The following NFE2L3 variants were observed in gnomAD, a reference collection of about 807,000 sequenced individuals.
The protein encoded by NFE2L3 is nuclear factor erythroid 2-related factor 3.
A neutral mutation model predicts 23.5 loss-of-function variants in NFE2L3; 18 were observed. That is an observed-to-expected ratio of 0.77 (90% confidence interval 0.53 to 1.13). The LOEUF (loss-of-function observed/expected upper bound fraction) is 1.13, where lower values mean the gene tolerates loss of function less well. NFE2L3 is among the 50% of genes most tolerant of loss of function. The pLI, the probability that NFE2L3 is intolerant of heterozygous loss-of-function variation, is 0.00. For missense variants in NFE2L3, 1,152 were observed against 877.2 expected, an observed-to-expected ratio of 1.31 and a Z score of -3.96; for synonymous variants, 424 against 354.5, an observed-to-expected ratio of 1.20 and a Z score of -2.20.
At chr7:26,165,322 C>A (rs1384544840) in intron 1 of NFE2L3, among the ~76,000 whole-genome samples, 1 of 152,124 alleles carries the variant, frequency 6.6e-6, no homozygotes. Flanking sequence ...TCTTTTATTT[C>A]GTTGAGCAGT....
intron 1 of NFE2L3, among the ~76,000 whole-genome samples, chr7:26,153,739 T>G (rs1196642105): frequency 6.6e-6 from 1 of 152,166 alleles, no homozygotes; most frequent in African/African-American, 2.4e-5. Context: ...TTCCCTTTGG[T>G]TTATGGGTCC....
Position 26,185,409 on chromosome 7 carries a change from C to G in NFE2L3, c.1711C>G (p.Leu571Val). 2 of 1,614,112 alleles carry G rather than the reference C, an allele frequency of 1.2e-6. No homozygotes were observed. The highest frequency in any genetic ancestry group is 1.1e-5 in the South Asian group (1 of 91,078). ...SFNSMLSRYY[L>V]TDLQVSLIRD... ...CAATAGCATGTTAAGTAGATATTAT[C>G]TGACAGACCTACAAGTCTCACTTAT... The change falls in exon 4 of 4, where the codon CTG becomes GTG. Residue 571 changes from leucine to valine, a missense_variant. Physicochemically the swap from Leu to Val is conservative, Grantham distance 32. Coordinates refer to ENST00000056233, the MANE Select transcript of NFE2L3 (RefSeq NM_004289.7).
At position 26,185,941 on chromosome 7, in the gene NFE2L3, G is replaced by A. The variant is rs1782473564; in HGVS notation, c.*158G>A. 1.6e-6 allele frequency: 1 copy of A among 632,270 alleles called. No individual in the cohort carries two copies. The highest frequency in any genetic ancestry group is 2.6e-5 in the South Asian group (1 of 37,756). The allele number at this position is 632,270 out of a possible 1,614,324, so 39.2% of individuals were successfully genotyped here. ...TGTTTTGAAGCTTACATGGACAAATGTTTAGGACTTCAAGATCACACTTGT... is the reference window on the plus strand; with the variant it reads ...TGTTTTGAAGCTTACATGGACAAATATTTAGGACTTCAAGATCACACTTGT... On this transcript the variant is annotated 3_prime_UTR_variant, in exon 4 of 4. Transcript: ENST00000056233.
In NFE2L3 at chr7:26,186,053, A is replaced by AC. The variant is rs1399859284; in HGVS notation, c.*273dup. On this transcript the variant is annotated 3_prime_UTR_variant, in exon 4 of 4. Coordinates refer to ENST00000056233, the MANE Select transcript of NFE2L3 (RefSeq NM_004289.7). The stretch of plus-strand genomic sequence containing the variant: ...GTCCAAAGAATAGGTTAACATGAAA[A>AC]CCCAGTAAGACTTTCCATCTTGGCA... 1 of 273,376 alleles carries AC rather than the reference A, an allele frequency of 3.7e-6. No individual in the cohort carries two copies. Among genetic ancestry groups the AC allele is most frequent in the Non-Finnish European group, 6.8e-6 (1 of 146,888 alleles). 16.9% of individuals were successfully genotyped at this position (273,376 alleles called of 1,614,324 possible). A position where few individuals can be genotyped will look rare whatever the true frequency, so the allele number is the denominator to read the frequency against.
chr7:26,185,653 A>G lies in NFE2L3; in HGVS notation c.1955A>G (p.Asp652Gly), dbSNP rs771403630. 3.1e-6 allele frequency: 5 copies of G among 1,613,828 alleles called. No individual in the cohort carries two copies. In the East Asian group the frequency reaches 8.9e-5, roughly 29 times the overall value. The change falls in exon 4 of 4, where the codon GAC becomes GGC. Residue 652 changes from aspartate to glycine, a missense_variant. By Grantham distance (94) the Asp-to-Gly change is moderately conservative (BLOSUM62 -1). Coordinates refer to ENST00000056233, the MANE Select transcript of NFE2L3 (RefSeq NM_004289.7). ...YHDIFSRLRD[D>G]QGRPVNPNHY... ...GATATTTTTAGTAGATTAAGAGATG[A>G]CCAAGGTAGGCCAGTCAATCCCAAC...
intron 2 of NFE2L3, 141 bp from the exon 3 acceptor site, chr7:26,183,560 G>C: frequency 1.6e-6 from 1 of 613,578 alleles, no homozygotes; most frequent in Non-Finnish European, 2.9e-6. Flanking sequence ...ATAATAAAAA[G>C]TAGAACTTCC....
chr7:26,186,301 T>C lies in NFE2L3; in HGVS notation c.*518T>C, dbSNP rs1293074142. ...TTGTATTTGTATTAAAAATTAACTT[T>C]TCCCTTTTATACAGAATCTGAACCA... On this transcript the variant is annotated 3_prime_UTR_variant, in exon 4 of 4. Coordinates refer to ENST00000056233, the MANE Select transcript of NFE2L3 (RefSeq NM_004289.7). 1.3e-5 allele frequency: 2 copies of C among 152,264 alleles called. No individual in the cohort carries two copies. Among genetic ancestry groups the C allele is most frequent in the Admixed American group, 1.3e-4 (2 of 15,282 alleles). The allele number at this position is 152,264 out of a possible 1,614,324, so 9.4% of individuals were successfully genotyped here.
In NFE2L3 at chr7:26,183,792, G is replaced by C. The variant is rs1782397235; in HGVS notation, c.834+8G>C. Reference sequence around the variant, plus strand: ...CCTGAAAATTCACTGGAGGTAATTGGAACTTTGGCTTTTATCCTCGCAGGA... The same window carrying C: ...CCTGAAAATTCACTGGAGGTAATTGCAACTTTGGCTTTTATCCTCGCAGGA... On this transcript the variant is annotated splice_region_variant and intron_variant, in intron 3 of 3. Coordinates refer to ENST00000056233, the MANE Select transcript of NFE2L3 (RefSeq NM_004289.7). 1 of 1,599,196 alleles carries C rather than the reference G, an allele frequency of 6.3e-7. No homozygotes were observed. Among genetic ancestry groups the C allele is most frequent in the African/African-American group, 1.3e-5 (1 of 74,774 alleles).
chr7:26,181,379 G>C (rs1312275932), intron 2 of NFE2L3, among the ~76,000 whole-genome samples: 1 of 152,120 alleles, frequency 6.6e-6, no homozygotes, highest in Admixed American at 6.5e-5. Flanking sequence ...AAATGAGTTA[G>C]ACCAGTGAAT....
intron 1 of NFE2L3, 104 bp from the exon 2 acceptor site, chr7:26,177,839 C>T (rs1051190921): frequency 4.0e-5 from 38 of 945,082 alleles, no homozygotes; most frequent in East Asian, 1.2e-4. Flanking sequence ...ATTGAAATGC[C>T]GGTCTTAGCT....
chr7:26,176,573 T>A lies in NFE2L3; in HGVS notation c.571-1370T>A, dbSNP rs28514799. Among the ~76,000 whole-genome samples the A allele has an allele frequency of 1.1e-3, 102 of 91,578 alleles. No individual in the cohort carries two copies. The East Asian group carries it at 0.012, about 11-fold the overall frequency. The allele number at this position is 91,578 out of a possible 152,430, so 60.1% of individuals were successfully genotyped here. A position where few individuals can be genotyped will look rare whatever the true frequency, so the allele number is the denominator to read the frequency against. Reference sequence around the variant, plus strand: ...GTGGCCAGGCAGAGGCGCTCCTCACTTCCCAGACGGGGTGGCCAGGCAGAG... The same window carrying A: ...GTGGCCAGGCAGAGGCGCTCCTCACATCCCAGACGGGGTGGCCAGGCAGAG... On this transcript the variant is annotated intron_variant, in intron 1 of 3. Transcript: ENST00000056233.
At chr7:26,153,185 T>A in intron 1 of NFE2L3, 117 bp downstream of exon 1, 3 of 1,070,018 alleles carry the variant, frequency 2.8e-6, no homozygotes, top group Non-Finnish European at 3.8e-6. Context: ...CCTTAGCCCC[T>A]GGTCTTTGCA....
intron 2 of NFE2L3, among the ~76,000 whole-genome samples, chr7:26,182,048 TGA>T (rs1305390618): frequency 6.6e-6 from 1 of 152,128 alleles, no homozygotes; most frequent in Non-Finnish European, 1.5e-5. Context: ...ATATTTAAAA[TGA>T]GTTTATGGCA....
At chr7:26,161,364 T>G (rs1383391516) in intron 1 of NFE2L3, among the ~76,000 whole-genome samples, 133 of 45,062 alleles carry the variant, frequency 3.0e-3, no homozygotes, top group Non-Finnish European at 3.8e-3. Flanking sequence ...TTTTTTTTTT[T>G]GGGTCTTACC....
intron 2 of NFE2L3, among the ~76,000 whole-genome samples, chr7:26,179,433 G>A (rs568994003): frequency 6.6e-5 from 10 of 151,774 alleles, no homozygotes; most frequent in African/African-American, 1.5e-4. Context: ...CTGGGAGGTC[G>A]AGGCTGCAGT....
At chr7:26,160,126 T>C (rs1470809778) in intron 1 of NFE2L3, among the ~76,000 whole-genome samples, 3 of 152,042 alleles carry the variant, frequency 2.0e-5, no homozygotes, top group Non-Finnish European at 4.4e-5. Flanking sequence ...GCTAATTTTT[T>C]AAAAATTTGT....
chr7:26,178,148 T>C, intron 2 of NFE2L3, 26 bp downstream of exon 2: 1 of 1,588,480 alleles, frequency 6.3e-7, no homozygotes, highest in Non-Finnish European at 8.6e-7. Flanking sequence ...TATTCAAGCC[T>C]TGCCGTTTTG....
Position 26,185,721 on chromosome 7 carries a change from G to C in NFE2L3, c.2023G>C (p.Val675Leu). 1 of 1,611,744 alleles carries C rather than the reference G, an allele frequency of 6.2e-7. No homozygotes were observed. ...TACCCATGATGGAAGTATCTTGATA[G>C]TACCCAAAGAACTGGTGGCCTCAGG... ...QCTHDGSILI[V>L]PKELVASGHK... The change falls in exon 4 of 4, where the codon GTA becomes CTA. Residue 675 changes from valine (V) to leucine (L), a missense_variant. Transcript: ENST00000056233.
intron 1 of NFE2L3, among the ~76,000 whole-genome samples, chr7:26,161,106 C>T (rs1035748781): frequency 1.3e-5 from 2 of 152,122 alleles, no homozygotes; most frequent in Non-Finnish European, 2.9e-5. Flanking sequence ...TGAAAGGAAC[C>T]CTTCCCTCCC....
Sources: allele counts gnomAD v4.1 joint callset (sites outside exome capture counted in the v4.1 genomes callset), GRCh38; gene constraint gnomAD v4.1.1; transcripts MANE v1.5; gene names NCBI Gene and HGNC (gene_info 2026-07-23, HGNC 2026-07-21).